TLN2: variants seen among roughly 807,000 people sequenced by gnomAD.
TLN2 encodes talin-2.
A neutral mutation model predicts 294.7 loss-of-function variants in TLN2; 118 were observed. The observed-to-expected ratio is 0.40, with a 90% CI of 0.34 to 0.47. TLN2 has a LOEUF of 0.47. Among genes scored for constraint, TLN2 ranks in the 20% least tolerant of loss-of-function variants. The pLI is 0.84. For synonymous variants in TLN2, 1,431 were observed against 1,304.5 expected (o/e 1.10, Z -2.09); for missense variants, 3,083 against 3,282.2 (o/e 0.94, Z 1.48).
At chr15:62,440,181 G>A (rs1034330600) in intron 1 of TLN2, among the ~76,000 whole-genome samples, 1 of 152,180 alleles carries the variant, frequency 6.6e-6, no homozygotes, top group Non-Finnish European at 1.5e-5. Flanking sequence ...TGGTCTTCCT[G>A]TCTTTCAAGT....
chr15:62,686,911 GT>G, intron 12 of TLN2, 115 bp downstream of exon 12: 4 of 1,381,592 alleles, frequency 2.9e-6, no homozygotes, highest in Non-Finnish European at 3.9e-6. Flanking sequence ...GAGAGCCAGC[GT>G]GGAGTGAGGA....
intron 1 of TLN2, among the ~76,000 whole-genome samples, chr15:62,417,208 A>G (rs569281537): frequency 6.6e-6 from 1 of 152,268 alleles, no homozygotes; most frequent in South Asian, 2.1e-4. Context: ...TATCTGGCTT[A>G]TTCTGCCTCT....
At chr15:62,774,094 A>G (rs2063533167) in intron 42 of TLN2, among the ~76,000 whole-genome samples, 1 of 152,042 alleles carries the variant, frequency 6.6e-6, no homozygotes. Flanking sequence ...GCAGAAACGC[A>G]GCCCTCTCCA....
intron 1 of TLN2, among the ~76,000 whole-genome samples, chr15:62,392,222 C>T (rs1448235965): frequency 6.6e-6 from 1 of 152,200 alleles, no homozygotes; most frequent in Admixed American, 6.5e-5. Context: ...TTCTTGCTGT[C>T]CTTGAAGAGC....
chr15:62,783,026 T>A (rs537473677), intron 44 of TLN2, among the ~76,000 whole-genome samples: 1 of 152,324 alleles, frequency 6.6e-6, no homozygotes, highest in East Asian at 1.9e-4. Context: ...GCATGCCAGC[T>A]GCCTTAGATA....
At chr15:62,573,142 G>T (rs2044047982) in intron 1 of TLN2, among the ~76,000 whole-genome samples, 2 of 152,104 alleles carry the variant, frequency 1.3e-5, no homozygotes, top group South Asian at 4.1e-4. Flanking sequence ...GCCAGGTGTG[G>T]TTTCCCCAGA....
At chr15:62,612,191 A>C (rs2047975523) in intron 2 of TLN2, among the ~76,000 whole-genome samples, 2 of 152,108 alleles carry the variant, frequency 1.3e-5, no homozygotes, top group South Asian at 4.1e-4. Flanking sequence ...TCACTCTACG[A>C]TCCTTCTACC....
chr15:62,808,725 C>G (rs1022804588), intron 51 of TLN2, among the ~76,000 whole-genome samples: 1 of 152,236 alleles, frequency 6.6e-6, no homozygotes, highest in African/African-American at 2.4e-5. Flanking sequence ...CCTCACCGTT[C>G]GAGGCACAGG....
At chr15:62,742,927 T>C (rs2061420845) in intron 32 of TLN2, among the ~76,000 whole-genome samples, 1 of 152,188 alleles carries the variant, frequency 6.6e-6, no homozygotes, top group Non-Finnish European at 1.5e-5. Context: ...ATTCATTCAT[T>C]GTCTTATTCA....
At chr15:62,612,342 G>C (rs2047986330) in intron 2 of TLN2, among the ~76,000 whole-genome samples, 1 of 152,128 alleles carries the variant, frequency 6.6e-6, no homozygotes, top group African/African-American at 2.4e-5. Context: ...ACAGTCTGCT[G>C]CCTCTAGGAA....
intron 27 of TLN2, among the ~76,000 whole-genome samples, chr15:62,725,500 A>G (rs1199827094): frequency 6.6e-6 from 1 of 152,228 alleles, no homozygotes; most frequent in Non-Finnish European, 1.5e-5. Flanking sequence ...CATACTGCAA[A>G]TGGAATAATG....
intron 54 of TLN2, among the ~76,000 whole-genome samples, chr15:62,823,023 G>A (rs1423632523): frequency 6.6e-6 from 1 of 152,182 alleles, no homozygotes; most frequent in Non-Finnish European, 1.5e-5. Context: ...TATAGCCTTT[G>A]TGTTTACATT....
chr15:62,551,442 C>G (rs1181248481), intron 1 of TLN2, among the ~76,000 whole-genome samples: 3 of 151,988 alleles, frequency 2.0e-5, no homozygotes, highest in Non-Finnish European at 4.4e-5. Context: ...GAGGCCGAGA[C>G]AGGCAGATCA....
intron 54 of TLN2, among the ~76,000 whole-genome samples, chr15:62,825,647 C>T (rs1170137594): frequency 4.2e-5 from 6 of 143,908 alleles, no homozygotes; most frequent in Admixed American, 7.3e-5. Context: ...GTCAGGAGTT[C>T]GAGACCAGCC....
At chr15:62,657,997 T>G (rs2053403135) in intron 9 of TLN2, 99 bp downstream of exon 9, 1 of 1,172,704 alleles carries the variant, frequency 8.5e-7, no homozygotes, top group South Asian at 1.7e-5. Flanking sequence ...ATACCCTAAT[T>G]TCAATCATTT....
intron 51 of TLN2, among the ~76,000 whole-genome samples, chr15:62,806,329 C>G (rs1463672288): frequency 6.6e-6 from 1 of 152,170 alleles, no homozygotes; most frequent in Admixed American, 6.5e-5. Context: ...TCTAGTTCTT[C>G]CTAAATAGGC....
At chr15:62,721,034 G>T (rs1173170936) in intron 25 of TLN2, among the ~76,000 whole-genome samples, 1 of 152,206 alleles carries the variant, frequency 6.6e-6, no homozygotes, top group Non-Finnish European at 1.5e-5. Flanking sequence ...TGACAAGATT[G>T]TAGGGCATTA....
chr15:62,495,050 C>T (rs1326818889), intron 1 of TLN2, among the ~76,000 whole-genome samples: 1 of 152,152 alleles, frequency 6.6e-6, no homozygotes, highest in Non-Finnish European at 1.5e-5. Context: ...TTACCACCTC[C>T]TAGCTGTGCT....
At chr15:62,673,922 C>T (rs1025929390) in intron 10 of TLN2, 32 bp downstream of exon 10, 14 of 1,560,234 alleles carry the variant, frequency 9.0e-6, no homozygotes, top group Admixed American at 3.4e-5. Context: ...TTATTATTCT[C>T]CTCACTCCCC....
Sources: allele counts gnomAD v4.1 joint callset (sites outside exome capture counted in the v4.1 genomes callset), GRCh38; gene constraint gnomAD v4.1.1; transcripts MANE v1.5; gene names NCBI Gene and HGNC (gene_info 2026-07-23, HGNC 2026-07-21).